IGF1R: variants seen among roughly 807,000 people sequenced by gnomAD.
The protein encoded by IGF1R is insulin like growth factor 1 receptor.
Under a neutral mutation model 144.6 loss-of-function variants are expected in IGF1R, and 44 were observed. The observed-to-expected ratio is 0.30, with a 90% CI of 0.24 to 0.39. The LOEUF (loss-of-function observed/expected upper bound fraction) is 0.39, where lower values mean the gene tolerates loss of function less well. Ranked by LOEUF, IGF1R falls within the 10% of genes least tolerant of loss-of-function variation. The pLI is 1.00. For missense variants in IGF1R, 1,355 were observed against 1,833.7 expected (o/e 0.74, Z 4.77); for synonymous variants, 795 against 722.8 (o/e 1.10, Z -1.60).
chr15:98,918,653 G>T (rs946300210), intron 10 of IGF1R, among the ~76,000 whole-genome samples: 1 of 152,130 alleles, frequency 6.6e-6, no homozygotes, highest in Non-Finnish European at 1.5e-5. Context: ...GGCTGAGGTG[G>T]GTGGATCACA....
chr15:98,919,016 A>C (rs1157421210), intron 10 of IGF1R, among the ~76,000 whole-genome samples: 2 of 152,208 alleles, frequency 1.3e-5, no homozygotes, highest in Non-Finnish European at 2.9e-5. Context: ...TTCAGTGCCC[A>C]AGGCCATTTT....
At chr15:98,677,799 G>C (rs768412024) in intron 1 of IGF1R, among the ~76,000 whole-genome samples, 3 of 152,190 alleles carry the variant, frequency 2.0e-5, no homozygotes, top group Non-Finnish European at 4.4e-5. Context: ...CTTCTCCTTG[G>C]CCAGAACTGA....
chr15:98,664,757 A>C (rs1227413013), intron 1 of IGF1R, among the ~76,000 whole-genome samples: 1 of 151,854 alleles, frequency 6.6e-6, no homozygotes, highest in East Asian at 1.9e-4. Flanking sequence ...GAGTGAATAC[A>C]TACACATTTC....
At chr15:98,678,022 T>C (rs189287808) in intron 1 of IGF1R, among the ~76,000 whole-genome samples, 1 of 152,342 alleles carries the variant, frequency 6.6e-6, no homozygotes, top group Non-Finnish European at 1.5e-5. Flanking sequence ...AAGGCATCTT[T>C]TGGTTTAAGA....
intron 2 of IGF1R, among the ~76,000 whole-genome samples, chr15:98,751,709 AC>A (rs2055016104): frequency 6.6e-6 from 1 of 152,144 alleles, no homozygotes; most frequent in African/African-American, 2.4e-5. Context: ...AAAGCTCTTG[AC>A]CCATATGGCC....
At chr15:98,929,853 C>G (rs907324756) in intron 14 of IGF1R, among the ~76,000 whole-genome samples, 193 bp downstream of exon 14, 1 of 152,168 alleles carries the variant, frequency 6.6e-6, no homozygotes, top group Admixed American at 6.5e-5. Flanking sequence ...AATAATTTTT[C>G]GATGGTACAG....
At chr15:98,682,268 G>A (rs892211899) in intron 1 of IGF1R, among the ~76,000 whole-genome samples, 5 of 152,148 alleles carry the variant, frequency 3.3e-5, no homozygotes, top group African/African-American at 1.2e-4. Flanking sequence ...GAGCTGGGAA[G>A]GTACCAGGAG....
At position 98,680,813 on chromosome 15, in the gene IGF1R, T is replaced by G. The variant is rs139914596; in HGVS notation, c.95-26749T>G. On this transcript the variant is annotated intron_variant, in intron 1 of 20. Transcript: ENST00000650285. Reference sequence around the variant, plus strand: ...TCTTGAACTCTTGGTGTCAAGCAAGTGCTTGGCCTCTGAAGTGCTGAGATT... The same window carrying G: ...TCTTGAACTCTTGGTGTCAAGCAAGGGCTTGGCCTCTGAAGTGCTGAGATT... Among the ~76,000 whole-genome samples the G allele has an allele frequency of 5.9e-5, 9 of 152,192 alleles. No homozygotes were observed. In the East Asian group the frequency reaches 1.7e-3, roughly 29 times the overall value.
chr15:98,878,703 A>C (rs2013206340), intron 2 of IGF1R, among the ~76,000 whole-genome samples: 1 of 146,794 alleles, frequency 6.8e-6, no homozygotes, highest in Non-Finnish European at 1.5e-5. Context: ...AAACAACAAC[A>C]AAAAAAAGGC....
intron 10 of IGF1R, among the ~76,000 whole-genome samples, chr15:98,917,620 C>G (rs954018822): frequency 6.6e-6 from 1 of 152,104 alleles, no homozygotes; most frequent in South Asian, 2.1e-4. Flanking sequence ...AAAATGGGCT[C>G]GAACCTTACA....
chr15:98,796,136 C>T (rs775128016), intron 2 of IGF1R, among the ~76,000 whole-genome samples: 4 of 147,654 alleles, frequency 2.7e-5, no homozygotes, highest in Non-Finnish European at 4.5e-5. Context: ...AAGTGGCCAG[C>T]AGGTGTCACA....
Position 98,649,471 on chromosome 15 carries a change from C to G in IGF1R, c.-111C>G, listed in dbSNP as rs1307232396. Reference sequence around the variant, plus strand: ...TTCGCCCTTGTTTTTGGAGGGGGAGCGAAGACTGAGTTTGAGACTTGTTTC... The same window carrying G: ...TTCGCCCTTGTTTTTGGAGGGGGAGGGAAGACTGAGTTTGAGACTTGTTTC... On this transcript the variant is annotated 5_prime_UTR_variant, in exon 1 of 21. Transcript: ENST00000650285. 1 of 764,632 alleles carries G rather than the reference C, an allele frequency of 1.3e-6. No individual in the cohort carries two copies. Among genetic ancestry groups the G allele is most frequent in the African/African-American group, 1.8e-5 (1 of 55,234 alleles). 47.4% of individuals were successfully genotyped at this position (764,632 alleles called of 1,614,324 possible). A position where few individuals can be genotyped will look rare whatever the true frequency, so the allele number is the denominator to read the frequency against.
At chr15:98,750,416 G>T (rs1355550799) in intron 2 of IGF1R, among the ~76,000 whole-genome samples, 1 of 152,246 alleles carries the variant, frequency 6.6e-6, no homozygotes. Flanking sequence ...CAAAACTGAT[G>T]CTCTGAGATG....
intron 2 of IGF1R, among the ~76,000 whole-genome samples, chr15:98,838,260 T>TGGAC (rs199700740): frequency 0.029 from 4,345 of 152,300 alleles, 207 homozygotes; most frequent in African/African-American, 0.097. Flanking sequence ...CACTGTGGTC[T>TGGAC]TCAGCAGGGA....
At chr15:98,851,054 C>G (rs2011508863) in intron 2 of IGF1R, among the ~76,000 whole-genome samples, 1 of 152,194 alleles carries the variant, frequency 6.6e-6, no homozygotes, top group African/African-American at 2.4e-5. Context: ...TCGGAGCACT[C>G]CTGCAGGAAG....
intron 2 of IGF1R, among the ~76,000 whole-genome samples, chr15:98,731,760 G>A (rs1031557251): frequency 1.3e-5 from 2 of 152,210 alleles, no homozygotes; most frequent in African/African-American, 4.8e-5. Flanking sequence ...AGGCATACAG[G>A]TTGGAGGCTT....
chr15:98,675,227 G>A (rs997525814), intron 1 of IGF1R, among the ~76,000 whole-genome samples: 2 of 152,074 alleles, frequency 1.3e-5, no homozygotes, highest in Admixed American at 6.5e-5. Flanking sequence ...GACCTCAAAT[G>A]ATCTGCCCAC....
intron 2 of IGF1R, among the ~76,000 whole-genome samples, chr15:98,746,859 G>A (rs1035655709): frequency 1.3e-5 from 2 of 152,120 alleles, no homozygotes; most frequent in African/African-American, 4.8e-5. Flanking sequence ...TGAACCTCTT[G>A]GCACTTGAAT....
chr15:98,928,360 A>G (rs1047271065), intron 13 of IGF1R, among the ~76,000 whole-genome samples: 1 of 152,108 alleles, frequency 6.6e-6, no homozygotes, highest in Non-Finnish European at 1.5e-5. Context: ...TGTCCCCCCA[A>G]TTCTCCAAGA....
Sources: gnomAD v4.1 joint callset for allele counts (sites outside exome capture counted in the v4.1 genomes callset) on GRCh38, gnomAD v4.1.1 for gene constraint, MANE v1.5 for transcripts, NCBI Gene and HGNC (gene_info 2026-07-23, HGNC 2026-07-21) for gene names.